KIF6: variants seen among roughly 807,000 people sequenced by gnomAD.
KIF6 encodes kinesin-like protein KIF6.
In KIF6, 106 loss-of-function variants were observed where a neutral mutation model predicts 112.7. The observed-to-expected ratio is 0.94, with a 90% CI of 0.80 to 1.11. The LOEUF (loss-of-function observed/expected upper bound fraction) is 1.11. Among genes scored for constraint, KIF6 ranks in the 50% least tolerant of loss-of-function variants. KIF6 has a pLI of 0.00. For missense variants in KIF6, 929 were observed against 964.0 expected (o/e 0.96, Z 0.48); for synonymous variants, 339 against 339.9 (o/e 1.00, Z 0.03).
chr6:39,703,104 AC>A (rs1194626739), intron 3 of KIF6, among the ~76,000 whole-genome samples: 3 of 126,014 alleles, frequency 2.4e-5, no homozygotes, highest in Non-Finnish European at 4.9e-5. Flanking sequence ...GGCCACCAAG[AC>A]AAAACAAACA....
intron 12 of KIF6, among the ~76,000 whole-genome samples, chr6:39,543,952 C>T (rs1005242961): frequency 6.6e-5 from 10 of 152,318 alleles, no homozygotes; most frequent in African/African-American, 2.2e-4. Flanking sequence ...AAAAAGAATT[C>T]TATCTTGAAC....
chr6:39,337,010 C>G (rs9471073), intron 22 of KIF6, among the ~76,000 whole-genome samples: 2 of 125,918 alleles, frequency 1.6e-5, no homozygotes, highest in Non-Finnish European at 3.3e-5. Context: ...TTTCTTCCCT[C>G]CCTCCCTCCC....
chr6:39,399,212 C>T (rs920039905), intron 15 of KIF6, among the ~76,000 whole-genome samples: 1 of 152,152 alleles, frequency 6.6e-6, no homozygotes, highest in African/African-American at 2.4e-5. Context: ...TCTGGAGAAC[C>T]CTGACTAATA....
chr6:39,619,282 C>T (rs1783690047), intron 5 of KIF6, among the ~76,000 whole-genome samples: 2 of 152,088 alleles, frequency 1.3e-5, no homozygotes, highest in South Asian at 4.1e-4. Flanking sequence ...TAAATATTAT[C>T]ATTTTTATTT....
intron 10 of KIF6, chr6:39,553,963 A>T (rs183932088): frequency 6.4e-6 from 1 of 155,138 alleles, no homozygotes; most frequent in African/African-American, 2.4e-5. Flanking sequence ...CTGACATCCT[A>T]TCTGTGTGCC....
intron 5 of KIF6, among the ~76,000 whole-genome samples, chr6:39,623,716 G>A (rs1378442206): frequency 2.0e-5 from 3 of 152,100 alleles, no homozygotes; most frequent in African/African-American, 4.8e-5. Context: ...AGAATTCAAT[G>A]TAAAAACACA....
intron 3 of KIF6, among the ~76,000 whole-genome samples, chr6:39,696,532 T>C (rs1788549592): frequency 6.6e-6 from 1 of 152,162 alleles, no homozygotes; most frequent in African/African-American, 2.4e-5. Context: ...GTTTCTTGTA[T>C]GTGAAATAGT....
At chr6:39,475,388 G>C (rs1774367021) in intron 13 of KIF6, among the ~76,000 whole-genome samples, 1 of 152,158 alleles carries the variant, frequency 6.6e-6, no homozygotes, top group South Asian at 2.1e-4. Context: ...CAACAGAAAA[G>C]AACCAGTGAT....
chr6:39,479,333 T>C (rs1774647326), intron 13 of KIF6, among the ~76,000 whole-genome samples: 1 of 152,148 alleles, frequency 6.6e-6, no homozygotes, highest in Non-Finnish European at 1.5e-5. Context: ...TGCCAATTAT[T>C]CCAGCACCAT....
chr6:39,625,811 G>T (rs757035002), intron 5 of KIF6, among the ~76,000 whole-genome samples: 2 of 152,132 alleles, frequency 1.3e-5, no homozygotes, highest in South Asian at 2.1e-4. Context: ...CAAAGTGTAT[G>T]GGGGAGAACT....
At chr6:39,413,996 C>G (rs1299607957) in intron 15 of KIF6, among the ~76,000 whole-genome samples, 1 of 152,158 alleles carries the variant, frequency 6.6e-6, no homozygotes, top group Non-Finnish European at 1.5e-5. Context: ...TCTTTACCTG[C>G]TTTTCTCTGA....
In KIF6 at chr6:39,360,543, C is replaced by T. The variant is rs777407181; in HGVS notation, c.1947-13G>A. 2.7e-5 allele frequency: 43 copies of T among 1,613,960 alleles called. No individual in the cohort carries two copies. The East Asian group carries it at 7.4e-4, about 28-fold the overall frequency. ...CATTGTTTTATACCTGCGGTGGAAT[C>T]GGGGAAGAGTCAGGGCACTGCTGTC... On this transcript the variant is annotated splice_polypyrimidine_tract_variant and intron_variant, in intron 17 of 22. Coordinates refer to ENST00000287152, the MANE Select transcript of KIF6 (RefSeq NM_145027.6).
intron 13 of KIF6, among the ~76,000 whole-genome samples, chr6:39,481,721 C>T (rs552529792): frequency 1.3e-5 from 2 of 152,294 alleles, no homozygotes; most frequent in Non-Finnish European, 2.9e-5. Flanking sequence ...CAACAAGCAT[C>T]ATTTGCTTCT....
chr6:39,662,888 T>C (rs1421622073), intron 3 of KIF6, among the ~76,000 whole-genome samples: 1 of 151,934 alleles, frequency 6.6e-6, no homozygotes, highest in Non-Finnish European at 1.5e-5. Context: ...GTATCTTTTT[T>C]TCTTTTCTTC....
At chr6:39,601,650 C>G (rs1405230577) in intron 6 of KIF6, among the ~76,000 whole-genome samples, 1 of 151,774 alleles carries the variant, frequency 6.6e-6, no homozygotes, top group Non-Finnish European at 1.5e-5. Context: ...AATAGCACAT[C>G]ACATGAAGTG....
intron 18 of KIF6, 60 bp from the exon 19 acceptor site, chr6:39,357,434 T>G: frequency 9.4e-7 from 1 of 1,066,084 alleles, no homozygotes; most frequent in Non-Finnish European, 1.4e-6. Flanking sequence ...TAGGAAGATG[T>G]TTTTGATGTA....
intron 5 of KIF6, among the ~76,000 whole-genome samples, chr6:39,624,992 G>A (rs916348328): frequency 6.8e-6 from 1 of 147,972 alleles, no homozygotes; most frequent in African/African-American, 2.5e-5. Flanking sequence ...ACATGAGGGT[G>A]GGGTCCCAAT....
At chr6:39,357,403 GT>G in intron 18 of KIF6, 29 bp from the exon 19 acceptor site, 1 of 1,320,938 alleles carries the variant, frequency 7.6e-7, no homozygotes, top group Non-Finnish European at 1.1e-6. Context: ...GTTTCACAGT[GT>G]TAGCTTGAAT....
Position 39,434,448 on chromosome 6 carries a change from G to A in KIF6, c.1646-3287C>T, listed in dbSNP as rs9471101. On this transcript the variant is annotated intron_variant, in intron 13 of 22. Coordinates refer to ENST00000287152, the MANE Select transcript of KIF6 (RefSeq NM_145027.6). ...TAGCTGGGCATGGCAGCACGCACCT[G>A]TAATCCCAGCTACTTGGGAGGCTGA... Among the ~76,000 whole-genome samples, 140 of 151,934 alleles carry A rather than the reference G, an allele frequency of 9.2e-4. 1 individual carries two copies. The highest frequency in any genetic ancestry group is 3.1e-3 in the African/African-American group (130 of 41,446).
Sources: allele counts gnomAD v4.1 joint callset (sites outside exome capture counted in the v4.1 genomes callset), GRCh38; gene constraint gnomAD v4.1.1; transcripts MANE v1.5; gene names NCBI Gene and HGNC (gene_info 2026-07-23, HGNC 2026-07-21).